Variants in ABCA12 observed in about 807,000 individuals in gnomAD.
ABCA12 encodes ATP binding cassette subfamily A member 12.
Under a neutral mutation model 293.5 loss-of-function variants are expected in ABCA12, and 156 were observed. The ratio of observed to expected loss-of-function variants is 0.53; its 90% CI spans 0.47 to 0.61. The LOEUF is 0.61. ABCA12 is among the 20% of genes least tolerant of loss of function. The pLI is 0.00. For missense variants in ABCA12, 2,797 were observed against 3,090.2 expected (o/e 0.91, Z 2.25); for synonymous variants, 1,063 against 1,108.0 (o/e 0.96, Z 0.81).
intron 51 of ABCA12, among the ~76,000 whole-genome samples, chr2:214,935,790 CTGTGTCTT>C: frequency 6.6e-6 from 1 of 152,106 alleles, no homozygotes; most frequent in African/African-American, 2.4e-5. Flanking sequence ...TAGCGAGACT[CTGTGTCTT>C]AAAAAAAATT....
At chr2:215,070,643 T>A (rs749605078) in intron 2 of ABCA12, among the ~76,000 whole-genome samples, 4 of 151,086 alleles carry the variant, frequency 2.6e-5, no homozygotes, top group Non-Finnish European at 2.9e-5. Flanking sequence ...TGTTTGTTTT[T>A]TTGTCCTTGT....
chr2:214,990,339 T>G (rs1699884714), intron 24 of ABCA12, among the ~76,000 whole-genome samples: 1 of 152,180 alleles, frequency 6.6e-6, no homozygotes, highest in African/African-American at 2.4e-5. Context: ...ATGAGAACCA[T>G]GAAAATTGTT....
intron 2 of ABCA12, among the ~76,000 whole-genome samples, chr2:215,069,555 T>TA (rs1343511353): frequency 6.6e-6 from 1 of 152,216 alleles, no homozygotes; most frequent in Non-Finnish European, 1.5e-5. Flanking sequence ...TTGTAAATGA[T>TA]ATAAACTTGG....
chr2:215,112,937 CAT>C (rs1238601614), intron 1 of ABCA12, among the ~76,000 whole-genome samples: 1 of 152,160 alleles, frequency 6.6e-6, no homozygotes. Context: ...CCATGAAAAA[CAT>C]ATTCACAAGA....
At chr2:214,974,113 A>G (rs957683380) in intron 35 of ABCA12, 71 bp from the exon 36 acceptor site, 1 of 1,358,510 alleles carries the variant, frequency 7.4e-7, no homozygotes, top group Admixed American at 1.7e-5. Flanking sequence ...ATGAGCATGT[A>G]AACAAGTATT....
At position 215,019,738 on chromosome 2, in the gene ABCA12, A is replaced by C. The variant is rs1156315295; in HGVS notation, c.1346T>G (p.Ile449Arg). 1.9e-6 allele frequency: 3 copies of C among 1,614,144 alleles called. No individual in the cohort carries two copies. Among genetic ancestry groups the C allele is most frequent in the Admixed American group, 3.3e-5 (2 of 60,026 alleles). ...ATCAGAGAGCTGGCATGACTTCTCT[A>C]TCAAACTGAAAGTTTCAGATTCACA... ...LLCESETFSLIEKSCQLSDMS... is the reference protein window; with the variant it reads ...LLCESETFSLREKSCQLSDMS... Residue 449 changes from isoleucine (I) to arginine (R), a missense_variant, in exon 12 of 53, where the codon ATA becomes AGA. Coordinates refer to ENST00000272895, the MANE Select transcript of ABCA12 (RefSeq NM_173076.3).
Position 214,932,573 on chromosome 2 carries a change from T to C in ABCA12, c.*61A>G. On this transcript the variant is annotated 3_prime_UTR_variant, in exon 53 of 53. Coordinates refer to ENST00000272895, the MANE Select transcript of ABCA12 (RefSeq NM_173076.3). ...AGATATCTTGCGGAAGTGTATCTTC[T>C]GTGGCTTTTCTTCAAAATGAAGCCA... The C allele has an allele frequency of 8.1e-7, 1 of 1,233,948 alleles. No individual in the cohort carries two copies. The highest frequency in any genetic ancestry group is 1.2e-6 in the Non-Finnish European group (1 of 838,174). 76.4% of individuals were successfully genotyped at this position (1,233,948 alleles called of 1,614,324 possible). A position where few individuals can be genotyped will look rare whatever the true frequency, so the allele number is the denominator to read the frequency against.
intron 1 of ABCA12, among the ~76,000 whole-genome samples, chr2:215,115,928 A>G (rs771974442): frequency 2.6e-5 from 4 of 152,186 alleles, no homozygotes; most frequent in African/African-American, 2.4e-5. Context: ...GTGTCAGTGC[A>G]GGGAGACAGG....
intron 20 of ABCA12, 146 bp downstream of exon 20, chr2:215,004,063 G>T: frequency 3.1e-6 from 2 of 652,092 alleles, no homozygotes; most frequent in South Asian, 3.7e-5. Flanking sequence ...AGATAGGGGG[G>T]ATATATCCAG....
At chr2:215,050,010 C>A (rs16853241) in intron 5 of ABCA12, among the ~76,000 whole-genome samples, 199 bp from the exon 6 acceptor site, 50,659 of 151,954 alleles carry the variant, frequency 0.33, 9,540 homozygotes, top group South Asian at 0.55. Flanking sequence ...GTGGTAAATT[C>A]TTGTCATTGT....
At chr2:215,047,227 T>C (rs1701222314) in intron 6 of ABCA12, among the ~76,000 whole-genome samples, 1 of 152,222 alleles carries the variant, frequency 6.6e-6, no homozygotes, top group African/African-American at 2.4e-5. Flanking sequence ...TCCTGGAACT[T>C]AACATTAAAT....
Position 214,951,083 on chromosome 2 carries a change from C to T in ABCA12, c.6648G>A (p.Arg2216=). Residue 2216 remains arginine, a splice_region_variant and synonymous_variant, in exon 45 of 53, where the codon AGG becomes AGA. Coordinates refer to ENST00000272895, the MANE Select transcript of ABCA12 (RefSeq NM_173076.3). ...AAGAATTAAATTTTCTGAAGAAAAG[C>T]CTAAAAATGGACCCAGTGATTTTAC... is the stretch of plus-strand genomic sequence containing the variant. ...LINESLIKKL[R]LFFRKFNSSH... The T allele has an allele frequency of 1.2e-6, 2 of 1,613,136 alleles. No homozygotes were observed. Among genetic ancestry groups the T allele is most frequent in the South Asian group, 1.1e-5 (1 of 91,050 alleles).
Position 214,931,886 on chromosome 2 carries a change from G to C in ABCA12, c.*748C>G, listed in dbSNP as rs1698068642. On this transcript the variant is annotated 3_prime_UTR_variant, in exon 53 of 53. Coordinates refer to ENST00000272895, the MANE Select transcript of ABCA12 (RefSeq NM_173076.3). The stretch of plus-strand genomic sequence containing the variant: ...TTTCAGGGTTTGTATCTACCCAGCT[G>C]ACACACCCATTCCCCCCTCCCTTCC... 6.6e-6 allele frequency: 1 copy of C among 152,162 alleles called. No individual in the cohort carries two copies. The highest frequency in any genetic ancestry group is 1.5e-5 in the Non-Finnish European group (1 of 68,074). The allele number at this position is 152,162 out of a possible 1,614,324, so 9.4% of individuals were successfully genotyped here.
intron 23 of ABCA12, among the ~76,000 whole-genome samples, chr2:214,991,990 C>A (rs578211602): frequency 1.7e-4 from 26 of 152,014 alleles, no homozygotes; most frequent in Admixed American, 1.5e-3. Context: ...ATGTGACAAA[C>A]CTACACGCTG....
In ABCA12 at chr2:214,982,225, C is replaced by A; in HGVS notation, c.4541G>T (p.Arg1514Leu). Residue 1514 changes from arginine to leucine, a missense_variant, in exon 30 of 53, where the codon CGC becomes CTC. Physicochemically the swap from Arg to Leu is moderately radical, Grantham distance 102 (BLOSUM62 -2). Transcript: ENST00000272895. ...GGATATAACATCCCATATACTTCGG[C>A]GAGAACATGGGTCAACTCCAGTAGA... is the stretch of plus-strand genomic sequence containing the variant. ...EPSTGVDPCS[R>L]RSIWDVISKN... The A allele has an allele frequency of 6.2e-7, 1 of 1,613,922 alleles. No individual in the cohort carries two copies. The highest frequency in any genetic ancestry group is 8.5e-7 in the Non-Finnish European group (1 of 1,179,972).
At chr2:214,949,776 G>A (rs969267116) in intron 45 of ABCA12, among the ~76,000 whole-genome samples, 1 of 152,164 alleles carries the variant, frequency 6.6e-6, no homozygotes, top group Non-Finnish European at 1.5e-5. Context: ...AAATGAAAGG[G>A]TGAAGACAGC....
At chr2:214,984,526 G>T (rs1258111544) in intron 28 of ABCA12, among the ~76,000 whole-genome samples, 1 of 152,058 alleles carries the variant, frequency 6.6e-6, no homozygotes, top group Non-Finnish European at 1.5e-5. Context: ...TCATTATTCA[G>T]CTCCAGGATT....
intron 38 of ABCA12, among the ~76,000 whole-genome samples, chr2:214,967,273 G>A (rs940401975): frequency 2.0e-4 from 31 of 152,082 alleles, no homozygotes; most frequent in African/African-American, 7.5e-4. Flanking sequence ...AGATCCATGG[G>A]ATTCTGAGAC....
Position 214,954,001 on chromosome 2 carries a change from T to C in ABCA12, c.6500A>G (p.Asp2167Gly), listed in dbSNP as rs1364327681. 6 of 1,614,076 alleles carry C rather than the reference T, an allele frequency of 3.7e-6. No individual in the cohort carries two copies. In the East Asian group the frequency reaches 1.3e-4, roughly 36 times the overall value. The change falls in exon 44 of 53, where the codon GAC (aspartate) becomes GGC (glycine). Residue 2167 changes from aspartate to glycine, a missense_variant. By Grantham distance (94) the Asp-to-Gly change is moderately conservative. Transcript: ENST00000272895. ...TTCCACTCCATATGCTTTTAAGAAGTCTAGGACCGACTGTTGTTGAGAAAG... is the reference window on the plus strand; with the variant it reads ...TTCCACTCCATATGCTTTTAAGAAGCCTAGGACCGACTGTTGTTGAGAAAG... ...IELSQQQSVL[D>G]FLKAYGVEYP...
Sources: allele counts gnomAD v4.1 joint callset (sites outside exome capture counted in the v4.1 genomes callset), GRCh38; gene constraint gnomAD v4.1.1; transcripts MANE v1.5; gene names NCBI Gene and HGNC (gene_info 2026-07-23, HGNC 2026-07-21).